Variants in PCSK5 observed in about 807,000 individuals in gnomAD.
PCSK5 encodes the protein proprotein convertase subtilisin/kexin type 5.
In PCSK5, 129 loss-of-function variants were observed where a neutral mutation model predicts 233.2. That is an observed-to-expected ratio of 0.55 (90% CI 0.48 to 0.64). The LOEUF is 0.64. Ranked by LOEUF, PCSK5 falls within the 30% of genes least tolerant of loss-of-function variation. The pLI is 0.00. For missense variants in PCSK5, 2,076 were observed against 2,430.1 expected (o/e 0.85, Z 3.06); for synonymous variants, 825 against 879.2 (o/e 0.94, Z 1.09).
intron 9 of PCSK5, among the ~76,000 whole-genome samples, chr9:76,128,487 G>C (rs1438826866): frequency 1.3e-5 from 2 of 152,112 alleles, no homozygotes; most frequent in African/African-American, 4.8e-5. Context: ...AGTGATGATT[G>C]AGCTTGCAAA....
At chr9:76,057,693 A>T (rs1359435973) in intron 5 of PCSK5, among the ~76,000 whole-genome samples, 1 of 152,196 alleles carries the variant, frequency 6.6e-6, no homozygotes, top group African/African-American at 2.4e-5. Flanking sequence ...TGATGCATGT[A>T]ATCTGTGCAG....
At chr9:75,978,875 TTTTTC>T (rs1473549752) in intron 2 of PCSK5, among the ~76,000 whole-genome samples, 2 of 148,028 alleles carry the variant, frequency 1.4e-5, no homozygotes, top group Non-Finnish European at 3.0e-5. Context: ...TTCCCTTTTT[TTTTTC>T]TTTTTTTCTG....
chr9:76,254,533 T>C (rs1237358695), intron 24 of PCSK5, among the ~76,000 whole-genome samples: 1 of 152,164 alleles, frequency 6.6e-6, no homozygotes, highest in African/African-American at 2.4e-5. Flanking sequence ...CTTTTATCTC[T>C]GGCAACTGAT....
intron 25 of PCSK5, 107 bp from the exon 26 acceptor site, chr9:76,295,168 A>AAAACG: frequency 9.5e-7 from 1 of 1,053,198 alleles, no homozygotes; most frequent in Non-Finnish European, 1.4e-6. Context: ...AAAACAAAAC[A>AAAACG]AAACGAAACA....
chr9:76,276,661 C>T (rs892425414), intron 24 of PCSK5, among the ~76,000 whole-genome samples: 1 of 152,172 alleles, frequency 6.6e-6, no homozygotes, highest in African/African-American at 2.4e-5. Flanking sequence ...GATGTCAATT[C>T]TTGCAAGACA....
intron 8 of PCSK5, among the ~76,000 whole-genome samples, chr9:76,096,636 CTG>C (rs1428751597): frequency 6.8e-6 from 1 of 147,302 alleles, no homozygotes; most frequent in Non-Finnish European, 1.5e-5. Context: ...TGAAGTCTAA[CTG>C]TTGCCCAGGC....
intron 10 of PCSK5, among the ~76,000 whole-genome samples, chr9:76,146,658 T>A (rs1407305826): frequency 2.0e-5 from 3 of 152,042 alleles, no homozygotes; most frequent in South Asian, 4.1e-4. Flanking sequence ...TCCTCATATG[T>A]TTTCCCCCTT....
At chr9:76,087,053 T>C (rs773524483) in intron 7 of PCSK5, among the ~76,000 whole-genome samples, 1 of 152,254 alleles carries the variant, frequency 6.6e-6, no homozygotes, top group Admixed American at 6.5e-5. Flanking sequence ...CTGATTTTCT[T>C]CTTCCAGTTA....
chr9:76,065,006 T>C (rs1830231957), intron 5 of PCSK5, among the ~76,000 whole-genome samples: 1 of 152,252 alleles, frequency 6.6e-6, no homozygotes, highest in Non-Finnish European at 1.5e-5. Flanking sequence ...TTCTGTTTTA[T>C]GGCTAATATT....
rs887765132 is a variant in PCSK5 at position 76,017,214 on chromosome 9, G to A, written c.412-6524G>A. Among the ~76,000 whole-genome samples the A allele has an allele frequency of 3.3e-5, 5 of 152,036 alleles. No individual in the cohort carries two copies. The South Asian group carries it at 6.2e-4, about 19-fold the overall frequency. ...GCTCCATTTCCCAGTTCCAGCCCACGACCTCAAATGTAAAAAATAATTCAG... is the reference window on the plus strand; with the variant it reads ...GCTCCATTTCCCAGTTCCAGCCCACAACCTCAAATGTAAAAAATAATTCAG... On this transcript the variant is annotated intron_variant, in intron 3 of 37. Transcript: ENST00000674117.
intron 17 of PCSK5, among the ~76,000 whole-genome samples, chr9:76,186,836 T>C (rs1824127757): frequency 6.6e-6 from 1 of 152,200 alleles, no homozygotes; most frequent in African/African-American, 2.4e-5. Flanking sequence ...GATTTTCTTT[T>C]GGCTTTTTAA....
intron 17 of PCSK5, among the ~76,000 whole-genome samples, chr9:76,186,017 G>C (rs1221754317): frequency 6.6e-6 from 1 of 152,084 alleles, no homozygotes; most frequent in Non-Finnish European, 1.5e-5. Context: ...AAACATGAGA[G>C]CCATATATGT....
In PCSK5 at chr9:76,282,147, T is replaced by C. The variant is rs531756785; in HGVS notation, c.3143-10086T>C. Among the ~76,000 whole-genome samples, 176 of 135,350 alleles carry C rather than the reference T, an allele frequency of 1.3e-3. 1 individual carries two copies. Among genetic ancestry groups the C allele is most frequent in the African/African-American group, 4.8e-3 (160 of 32,992 alleles). The allele number at this position is 135,350 out of a possible 152,430, so 88.8% of individuals were successfully genotyped here. A position where few individuals can be genotyped will look rare whatever the true frequency, so the allele number is the denominator to read the frequency against. On this transcript the variant is annotated intron_variant, in intron 24 of 37. Transcript: ENST00000674117. ...TTTTTTTTTTTTTTTTTTTTTTTTT[T>C]CGCTCTGTTGCCCAGGCTGGAGCAC...
chr9:76,319,954 C>G (rs1340885183), intron 30 of PCSK5, among the ~76,000 whole-genome samples: 1 of 152,146 alleles, frequency 6.6e-6, no homozygotes, highest in Non-Finnish European at 1.5e-5. Context: ...GGGAAGGGCC[C>G]CCTATCCTGT....
intron 10 of PCSK5, among the ~76,000 whole-genome samples, chr9:76,156,472 C>T (rs950006720): frequency 1.3e-5 from 2 of 152,194 alleles, no homozygotes; most frequent in African/African-American, 4.8e-5. Flanking sequence ...AACCTAATTA[C>T]TAGATATGTC....
Position 76,354,063 on chromosome 9 carries a change from G to A in PCSK5, c.5098G>A (p.Glu1700Lys), listed in dbSNP as rs768394201. ...GAAGTTTAACTGTGAAAAATGCCAC[G>A]AGAGCTGCATGGAATGCAAGGGACC... ...GEKFNCEKCH[E>K]SCMECKGPGA... Residue 1700 changes from glutamate to lysine, a missense_variant, in exon 37 of 38, where the codon GAG becomes AAG. Transcript: ENST00000674117. The A allele has an allele frequency of 9.9e-6, 16 of 1,610,000 alleles. No homozygotes were observed. Among genetic ancestry groups the A allele is most frequent in the Middle Eastern group, 1.7e-4 (1 of 6,056 alleles).
chr9:76,310,922 C>G, intron 30 of PCSK5, 71 bp downstream of exon 30: 1 of 1,040,896 alleles, frequency 9.6e-7, no homozygotes, highest in Non-Finnish European at 1.4e-6. Context: ...GCAATTCTTT[C>G]TTATTCACCA....
intron 17 of PCSK5, among the ~76,000 whole-genome samples, chr9:76,185,795 C>G (rs1285883762): frequency 6.6e-6 from 1 of 152,202 alleles, no homozygotes; most frequent in East Asian, 1.9e-4. Context: ...CACTTAACTA[C>G]TCCGAGCCTT....
At chr9:76,188,148 C>T (rs2036405488) in intron 17 of PCSK5, among the ~76,000 whole-genome samples, 1 of 152,124 alleles carries the variant, frequency 6.6e-6, no homozygotes, top group Non-Finnish European at 1.5e-5. Context: ...ACCATGTGTT[C>T]CTACTGCATT....
Sources: allele counts gnomAD v4.1 joint callset (sites outside exome capture counted in the v4.1 genomes callset), GRCh38; gene constraint gnomAD v4.1.1; transcripts MANE v1.5; gene names NCBI Gene and HGNC (gene_info 2026-07-23, HGNC 2026-07-21).